Variants in EEF1AKMT3 observed in about 807,000 individuals in gnomAD.
EEF1AKMT3 encodes eEF1A-KMT3.
In EEF1AKMT3, 17 loss-of-function variants were observed where a neutral mutation model predicts 17.8. The observed-to-expected ratio is 0.96, with a 90% CI of 0.65 to 1.43. The LOEUF is 1.43. Among genes scored for constraint, EEF1AKMT3 ranks in the 40% most tolerant of loss-of-function variants. The pLI, the probability that EEF1AKMT3 is intolerant of heterozygous loss-of-function variation, is 0.00. For missense variants in EEF1AKMT3, 244 were observed against 285.8 expected, an observed-to-expected ratio of 0.85 and a Z score of 1.06; for synonymous variants, 116 against 126.5, an observed-to-expected ratio of 0.92 and a Z score of 0.56.
At position 57,782,364 on chromosome 12, in the gene EEF1AKMT3, T is replaced by G. The variant is rs1955522253; in HGVS notation, c.*1718T>G. On this transcript the variant is annotated 3_prime_UTR_variant, in exon 3 of 3. Coordinates refer to ENST00000300209, the MANE Select transcript of EEF1AKMT3 (RefSeq NM_015433.3). Reference sequence around the variant, plus strand: ...TGGCACACAACAGGTGTTCAACAGATATTGTGCTCATTCAATAAATATTTA... The same window carrying G: ...TGGCACACAACAGGTGTTCAACAGAGATTGTGCTCATTCAATAAATATTTA... The G allele has an allele frequency of 5.5e-6, 1 of 182,106 alleles. No individual in the cohort carries two copies. The highest frequency in any genetic ancestry group is 1.7e-4 in the East Asian group (1 of 6,012). The allele number at this position is 182,106 out of a possible 1,614,324, so 11.3% of individuals were successfully genotyped here.
chr12:57,777,585 C>T (rs1339124699), intron 2 of EEF1AKMT3, among the ~76,000 whole-genome samples: 1 of 152,190 alleles, frequency 6.6e-6, no homozygotes, highest in Non-Finnish European at 1.5e-5. Context: ...GGCAGGAACT[C>T]CTTTTCCATG....
Position 57,780,411 on chromosome 12 carries a change from G to T in EEF1AKMT3, c.446G>T (p.Gly149Val), listed in dbSNP as rs1004226581. The change falls in exon 3 of 3, where the codon GGG (glycine) becomes GTG (valine). Residue 149 changes from glycine (G) to valine (V), a missense_variant. Coordinates refer to ENST00000300209, the MANE Select transcript of EEF1AKMT3 (RefSeq NM_015433.3). ...VFPANYDLVL[G>V]ADIVYLEPTF... ...CCTGCAAACTATGACCTGGTGCTGG[G>T]GGCTGATATCGTGTACCTGGAACCC... is the stretch of plus-strand genomic sequence containing the variant. 6.8e-6 allele frequency: 11 copies of T among 1,614,080 alleles called. No homozygotes were observed. The African/African-American group carries it at 1.5e-4, about 22-fold the overall frequency.
chr12:57,777,777 T>C (rs1410212272), intron 2 of EEF1AKMT3, among the ~76,000 whole-genome samples: 9 of 152,176 alleles, frequency 5.9e-5, no homozygotes. Flanking sequence ...CCGAGCACTT[T>C]GGGAGGCTAA....
intron 2 of EEF1AKMT3, among the ~76,000 whole-genome samples, chr12:57,775,376 C>CT (rs199924829): frequency 0.29 from 39,433 of 136,440 alleles, 6,280 homozygotes; most frequent in East Asian, 0.65. Flanking sequence ...GTTAAATGTT[C>CT]TTTTTTTTTT....
chr12:57,780,638 C>G lies in EEF1AKMT3; in HGVS notation c.673C>G (p.Pro225Ala). 6.2e-7 allele frequency: 1 copy of G among 1,607,032 alleles called. No individual in the cohort carries two copies. The highest frequency in any genetic ancestry group is 8.5e-7 in the Non-Finnish European group (1 of 1,179,974). The change falls in exon 3 of 3, where the codon CCT becomes GCT. Residue 225 changes from proline (P) to alanine (A), a missense_variant. Transcript: ENST00000300209. ...IYRARHREPR[P>A]A Reference sequence around the variant, plus strand: ...TAGGGCCAGGCACAGGGAACCAAGACCTGCTTGACATCACCCTTGCTGTTC... The same window carrying G: ...TAGGGCCAGGCACAGGGAACCAAGAGCTGCTTGACATCACCCTTGCTGTTC...
chr12:57,779,019 C>T (rs997967152), intron 2 of EEF1AKMT3, among the ~76,000 whole-genome samples: 5 of 152,220 alleles, frequency 3.3e-5, no homozygotes, highest in African/African-American at 9.6e-5. Flanking sequence ...GCCACCACAC[C>T]CAGCTAATTT....
intron 2 of EEF1AKMT3, 92 bp downstream of exon 2, chr12:57,773,220 T>A: frequency 2.4e-6 from 3 of 1,249,508 alleles, no homozygotes; most frequent in Non-Finnish European, 3.5e-6. Flanking sequence ...AGGGGAGAAC[T>A]TTGGGCCCAG....
At chr12:57,777,853 C>G (rs555699450) in intron 2 of EEF1AKMT3, among the ~76,000 whole-genome samples, 9 of 152,198 alleles carry the variant, frequency 5.9e-5, no homozygotes, top group Admixed American at 2.0e-4. Flanking sequence ...AACCCCATCT[C>G]TACTAAAAAT....
chr12:57,774,559 C>G, intron 2 of EEF1AKMT3: 2 of 729,588 alleles, frequency 2.7e-6, no homozygotes, highest in Non-Finnish European at 5.0e-6. Flanking sequence ...TTTCAAGTCC[C>G]CTATGTACCA....
rs775655927 is a variant in EEF1AKMT3, at chr12:57,772,729, C to T, written c.5C>T (p.Ala2Val). 1.2e-6 allele frequency: 2 copies of T among 1,611,530 alleles called. No homozygotes were observed. Among genetic ancestry groups the T allele is most frequent in the South Asian group, 1.1e-5 (1 of 90,816 alleles). Residue 2 changes from alanine (A) to valine (V), a missense_variant, in exon 1 of 3, where the codon GCG becomes GTG. Physicochemically the swap from Ala to Val is moderately conservative, Grantham distance 64. Transcript: ENST00000300209. The surrounding 1 kb of genome is among the most constrained non-coding windows in gnomAD (Gnocchi z 4.1). Reference protein sequence around the residue: MADPGPDPESES... With the variant: MVDPGPDPESES... ...GGCACTCCCTTGGCGGGCCGGATGGCGGACCCCGGCCCAGATCCCGAATCT... is the reference window on the plus strand; with the variant it reads ...GGCACTCCCTTGGCGGGCCGGATGGTGGACCCCGGCCCAGATCCCGAATCT...
rs766145502 is a variant in EEF1AKMT3, at chr12:57,773,624, C to T, written c.289+496C>T. On this transcript the variant is annotated intron_variant, in intron 2 of 2. Transcript: ENST00000300209. ...TGTATTTTTAGTAGAAGACGTTTCACCATGTTGGCCAGGCTGGTCTCGAAC... is the reference window on the plus strand; with the variant it reads ...TGTATTTTTAGTAGAAGACGTTTCATCATGTTGGCCAGGCTGGTCTCGAAC... Among the ~76,000 whole-genome samples the T allele has an allele frequency of 7.4e-4, 113 of 152,278 alleles. 1 individual carries two copies. The highest frequency in any genetic ancestry group is 6.8e-3 in the Middle Eastern group (2 of 294).
In EEF1AKMT3 at chr12:57,780,836, G is replaced by A; in HGVS notation, c.*190G>A. ...GGTGCAGTGAGGTGCCTGCTTACAA[G>A]GAATCCCAGAGTTCTGGCAGCACTA... On this transcript the variant is annotated 3_prime_UTR_variant, in exon 3 of 3. Coordinates refer to ENST00000300209, the MANE Select transcript of EEF1AKMT3 (RefSeq NM_015433.3). 1 of 709,860 alleles carries A rather than the reference G, an allele frequency of 1.4e-6. No individual in the cohort carries two copies. The highest frequency in any genetic ancestry group is 2.3e-6 in the Non-Finnish European group (1 of 441,138). The allele number at this position is 709,860 out of a possible 1,614,324, so 44.0% of individuals were successfully genotyped here. A position where few individuals can be genotyped will look rare whatever the true frequency, so the allele number is the denominator to read the frequency against.
Position 57,780,572 on chromosome 12 carries a change from G to A in EEF1AKMT3, c.607G>A (p.Glu203Lys). 1 of 1,613,850 alleles carries A rather than the reference G, an allele frequency of 6.2e-7. No homozygotes were observed. Among genetic ancestry groups the A allele is most frequent in the Non-Finnish European group, 8.5e-7 (1 of 1,180,032 alleles). The change falls in exon 3 of 3, where the codon GAG becomes AAG. Residue 203 changes from glutamate (E) to lysine (K), a missense_variant. Transcript: ENST00000300209. ...QHLLPQHFQLELAQRDEDENV... is the reference protein window; with the variant it reads ...QHLLPQHFQLKLAQRDEDENV... ...CCTCCTGCCCCAGCATTTCCAACTG[G>A]AGCTGGCTCAGCGGGATGAGGATGA...
intron 2 of EEF1AKMT3, chr12:57,774,610 C>G (rs1173876223): frequency 1.8e-6 from 2 of 1,135,598 alleles, no homozygotes; most frequent in South Asian, 2.6e-5. Flanking sequence ...ATAAATAAGA[C>G]AGATTTTCTC....
At chr12:57,776,316 T>C (rs1296994234) in intron 2 of EEF1AKMT3, among the ~76,000 whole-genome samples, 1 of 152,218 alleles carries the variant, frequency 6.6e-6, no homozygotes, top group East Asian at 1.9e-4. Context: ...TCTGAAACTT[T>C]TTACCATCTG....
Position 57,780,759 on chromosome 12 carries a change from G to A in EEF1AKMT3, c.*113G>A. 3 of 1,400,438 alleles carry A rather than the reference G, an allele frequency of 2.1e-6. No individual in the cohort carries two copies. Among genetic ancestry groups the A allele is most frequent in the Non-Finnish European group, 2.9e-6 (3 of 1,039,726 alleles). The allele number at this position is 1,400,438 out of a possible 1,614,324, so 86.8% of individuals were successfully genotyped here. A position where few individuals can be genotyped will look rare whatever the true frequency, so the allele number is the denominator to read the frequency against. On this transcript the variant is annotated 3_prime_UTR_variant, in exon 3 of 3. Transcript: ENST00000300209. ...GGACCAAAAAGGATGGATTTCCCTG[G>A]CCTCTCTCACTTTCCTCCTTCCCTC...
rs1234001452 is a variant in EEF1AKMT3 at position 57,772,699 on chromosome 12, G to A, written c.-26G>A. ...CCGGGATCTGAGCGCCGGCCGCGGTGCCCAGGCACTCCCTTGGCGGGCCGG... is the reference window on the plus strand; with the variant it reads ...CCGGGATCTGAGCGCCGGCCGCGGTACCCAGGCACTCCCTTGGCGGGCCGG... On this transcript the variant is annotated 5_prime_UTR_variant, in exon 1 of 3. Coordinates refer to ENST00000300209, the MANE Select transcript of EEF1AKMT3 (RefSeq NM_015433.3). The surrounding 1 kb of genome is among the most constrained non-coding windows in gnomAD (Gnocchi z 4.1). 6.2e-6 allele frequency: 10 copies of A among 1,600,508 alleles called. No individual in the cohort carries two copies. The highest frequency in any genetic ancestry group is 8.5e-6 in the Non-Finnish European group (10 of 1,172,904).
chr12:57,773,027 T>A lies in EEF1AKMT3; in HGVS notation c.188T>A (p.Leu63Gln), dbSNP rs1333524842. The A allele has an allele frequency of 6.2e-7, 1 of 1,614,200 alleles. No homozygotes were observed. The change falls in exon 2 of 3, where the codon CTG (leucine) becomes CAG (glutamine). Residue 63 changes from leucine (L) to glutamine (Q), a missense_variant. Leu to Gln is a moderately radical substitution (Grantham distance 113). Coordinates refer to ENST00000300209, the MANE Select transcript of EEF1AKMT3 (RefSeq NM_015433.3). The part of the protein sequence containing the change: ...AARVWDAALS[L>Q]CNYFESQNVD... ...TCTTTTCTCCCGTAGGCCCTGAGCC[T>A]GTGCAATTATTTCGAGAGTCAAAAT...
chr12:57,780,668 C>T lies in EEF1AKMT3; in HGVS notation c.*22C>T. Reference sequence around the variant, plus strand: ...TTGACATCACCCTTGCTGTTCTTCTCAATCTCTTGCTCTAATGAAGGAACT... The same window carrying T: ...TTGACATCACCCTTGCTGTTCTTCTTAATCTCTTGCTCTAATGAAGGAACT... On this transcript the variant is annotated 3_prime_UTR_variant, in exon 3 of 3. Transcript: ENST00000300209. 1 of 1,601,330 alleles carries T rather than the reference C, an allele frequency of 6.2e-7. No homozygotes were observed. The highest frequency in any genetic ancestry group is 2.2e-5 in the East Asian group (1 of 44,878).
Sources: gnomAD v4.1 joint callset for allele counts (sites outside exome capture counted in the v4.1 genomes callset) on GRCh38, gnomAD v4.1.1 for gene constraint, Gnocchi (gnomAD v3.1) non-coding constraint, MANE v1.5 for transcripts, NCBI Gene and HGNC (gene_info 2026-07-23, HGNC 2026-07-21) for gene names.